The following NEDD4L variants were observed in gnomAD, a reference collection of about 807,000 sequenced individuals.
NEDD4L encodes the protein NEDD4 like E3 ubiquitin protein ligase.
NEDD4L carries 54 observed loss-of-function variants against 148.9 expected under a neutral mutation model. That is an observed-to-expected ratio of 0.36 (90% confidence interval 0.29 to 0.45). The LOEUF (loss-of-function observed/expected upper bound fraction) is 0.45, where lower values mean the gene tolerates loss of function less well. NEDD4L is among the 20% of genes least tolerant of loss of function. NEDD4L has a pLI of 1.00. For missense variants in NEDD4L, 856 were observed against 1,233.8 expected (o/e 0.69, Z 4.59); for synonymous variants, 433 against 440.7 (o/e 0.98, Z 0.22).
intron 30 of NEDD4L, among the ~76,000 whole-genome samples, chr18:58,394,588 T>G (rs1216722451): frequency 1.3e-5 from 2 of 152,274 alleles, no homozygotes; most frequent in Non-Finnish European, 2.9e-5. Context: ...AATAGAAAGT[T>G]AAAAGCCTGT....
At chr18:58,265,154 G>A (rs1318908386) in intron 5 of NEDD4L, among the ~76,000 whole-genome samples, 1 of 152,092 alleles carries the variant, frequency 6.6e-6, no homozygotes, top group African/African-American at 2.4e-5. Flanking sequence ...ATTTGTCTCA[G>A]TGGGCCAGTG....
intron 1 of NEDD4L, among the ~76,000 whole-genome samples, chr18:58,135,554 G>A (rs1206242007): frequency 1.3e-5 from 2 of 152,214 alleles, no homozygotes; most frequent in Non-Finnish European, 1.5e-5. Flanking sequence ...TTCTCTACAA[G>A]CTATGTGAGT....
chr18:58,147,299 C>T (rs2034194098), intron 1 of NEDD4L, among the ~76,000 whole-genome samples: 1 of 152,068 alleles, frequency 6.6e-6, no homozygotes, highest in Non-Finnish European at 1.5e-5. Flanking sequence ...TGTCCTGTGC[C>T]CCATGGGATG....
intron 2 of NEDD4L, chr18:58,227,864 C>T (rs1278119792): frequency 2.2e-5 from 22 of 982,538 alleles, no homozygotes; most frequent in Non-Finnish European, 9.7e-6. Flanking sequence ...TTTTTTTGGT[C>T]GTGACATCAG....
At chr18:58,109,572 G>GTTTTT (rs869167759) in intron 1 of NEDD4L, among the ~76,000 whole-genome samples, 33 of 117,628 alleles carry the variant, frequency 2.8e-4, no homozygotes, top group East Asian at 7.0e-4. Context: ...TTTTTTTTTT[G>GTTTTT]TTTTTTTTTT....
At chr18:58,069,517 G>T (rs1568171059) in intron 1 of NEDD4L, among the ~76,000 whole-genome samples, 1 of 152,224 alleles carries the variant, frequency 6.6e-6, no homozygotes, top group Non-Finnish European at 1.5e-5. Flanking sequence ...TGGATAGAGG[G>T]CAGTGATTGT....
At chr18:58,357,523 C>T in intron 19 of NEDD4L, 1 of 616,292 alleles carries the variant, frequency 1.6e-6, no homozygotes, top group South Asian at 1.5e-5. Context: ...AAAGGGTGGA[C>T]TATAAGTATA....
chr18:58,183,995 C>A (rs2039150534), intron 2 of NEDD4L, among the ~76,000 whole-genome samples: 1 of 152,122 alleles, frequency 6.6e-6, no homozygotes. Context: ...TGGTGAAACC[C>A]CGTCTCTACT....
intron 5 of NEDD4L, among the ~76,000 whole-genome samples, chr18:58,282,963 A>G (rs2053380526): frequency 6.6e-6 from 1 of 152,218 alleles, no homozygotes; most frequent in Admixed American, 6.5e-5. Flanking sequence ...GTCGTCACCA[A>G]GAGTCCCCAG....
chr18:58,091,952 TG>T (rs1465110614), intron 1 of NEDD4L, among the ~76,000 whole-genome samples: 3 of 152,268 alleles, frequency 2.0e-5, no homozygotes, highest in Non-Finnish European at 4.4e-5. Context: ...GCTTCCCCAC[TG>T]GCCATCACTC....
chr18:58,350,943 C>A, intron 17 of NEDD4L, 48 bp from the exon 18 acceptor site: 1 of 1,454,936 alleles, frequency 6.9e-7, no homozygotes. Flanking sequence ...TTCAGAACTC[C>A]TAGCTAATGT....
intron 5 of NEDD4L, among the ~76,000 whole-genome samples, chr18:58,296,968 T>C (rs2055698437): frequency 6.6e-6 from 1 of 151,994 alleles, no homozygotes; most frequent in Admixed American, 6.6e-5. Flanking sequence ...TCCCCTGTAA[T>C]CCCAGCTACT....
chr18:58,264,284 T>G (rs1400675140), intron 5 of NEDD4L, among the ~76,000 whole-genome samples: 2 of 152,078 alleles, frequency 1.3e-5, no homozygotes, highest in African/African-American at 4.8e-5. Flanking sequence ...ACAGTGTGCC[T>G]CCGGCCTGCT....
chr18:58,128,581 C>T (rs946912860), intron 1 of NEDD4L, among the ~76,000 whole-genome samples: 3 of 152,262 alleles, frequency 2.0e-5, no homozygotes, highest in South Asian at 2.1e-4. Flanking sequence ...CATTGGATAC[C>T]CTTGTTTATG....
chr18:58,243,170 T>C (rs1189836102), intron 2 of NEDD4L, among the ~76,000 whole-genome samples: 2 of 152,198 alleles, frequency 1.3e-5, no homozygotes, highest in African/African-American at 4.8e-5. Context: ...AGTTATATAA[T>C]AGCCGGCAAT....
chr18:58,247,244 C>T (rs571947318), intron 3 of NEDD4L: 1 of 152,284 alleles, frequency 6.6e-6, no homozygotes, highest in East Asian at 1.9e-4. Context: ...CAGCCAGGTC[C>T]TTTTGTGTAA....
intron 5 of NEDD4L, among the ~76,000 whole-genome samples, chr18:58,272,212 T>C (rs2148827572): frequency 1.3e-5 from 2 of 152,280 alleles, no homozygotes; most frequent in Middle Eastern, 6.8e-3. Flanking sequence ...AAGATAATAG[T>C]AGAGACTAGA....
intron 25 of NEDD4L, among the ~76,000 whole-genome samples, chr18:58,384,393 T>C (rs1299208002): frequency 6.6e-6 from 1 of 152,214 alleles, no homozygotes; most frequent in Non-Finnish European, 1.5e-5. Flanking sequence ...CCTGGCCACA[T>C]TAATTGGCAC....
Position 58,114,361 on chromosome 18 carries a change from T to C in NEDD4L, c.49-51427T>C, listed in dbSNP as rs201865990. On this transcript the variant is annotated intron_variant, in intron 1 of 30. Transcript: ENST00000400345. ...GATTTAAAAAAAATATATATATATATACACACACACACACACATACACACA... is the reference window on the plus strand; with the variant it reads ...GATTTAAAAAAAATATATATATATACACACACACACACACACATACACACA... 5.3e-3 allele frequency among the ~76,000 whole-genome samples: 796 copies of C among 150,888 alleles called. 6 individuals are homozygous for C. The highest frequency in any genetic ancestry group is 0.013 in the African/African-American group (548 of 41,160).
Sources: allele counts gnomAD v4.1 joint callset (sites outside exome capture counted in the v4.1 genomes callset), GRCh38; gene constraint gnomAD v4.1.1; transcripts MANE v1.5; gene names NCBI Gene and HGNC (gene_info 2026-07-23, HGNC 2026-07-21).